Variants in SLC10A7 observed in about 807,000 individuals in gnomAD.
SLC10A7 encodes sodium/bile acid cotransporter 7.
Under a neutral mutation model 43.2 loss-of-function variants are expected in SLC10A7, and 29 were observed. That is an observed-to-expected ratio of 0.67 (90% CI 0.50 to 0.92). The LOEUF is 0.92. SLC10A7 is among the 40% of genes least tolerant of loss of function. The probability of loss-of-function intolerance (pLI) is 0.00; values close to 1 mark genes in which losing one functional copy is unlikely to be tolerated. For synonymous variants in SLC10A7, 152 were observed against 144.8 expected, an observed-to-expected ratio of 1.05 and a Z score of -0.35; for missense variants, 295 against 403.2, an observed-to-expected ratio of 0.73 and a Z score of 2.30.
intron 5 of SLC10A7, among the ~76,000 whole-genome samples, chr4:146,399,393 G>A (rs1466599205): frequency 6.6e-6 from 1 of 152,160 alleles, no homozygotes; most frequent in African/African-American, 2.4e-5. Context: ...CCAAGAAAGA[G>A]TTGGGAGAGA....
chr4:146,504,067 G>T, intron 3 of SLC10A7, 143 bp from the exon 4 acceptor site: 1 of 729,720 alleles, frequency 1.4e-6, no homozygotes, highest in Non-Finnish European at 2.4e-6. Flanking sequence ...ATTTAGACAA[G>T]TCTACACAAG....
At chr4:146,260,195 CT>C (rs201214980) in intron 10 of SLC10A7, among the ~76,000 whole-genome samples, 3,333 of 102,794 alleles carry the variant, frequency 0.032, 113 homozygotes, top group African/African-American at 0.11. Context: ...AATGAAGGGC[CT>C]TTTTTTAAAA....
chr4:146,408,445 G>A (rs1727895436), intron 5 of SLC10A7: 1 of 152,080 alleles, frequency 6.6e-6, no homozygotes, highest in Non-Finnish European at 1.5e-5. Context: ...GGCTACTTGG[G>A]AGGGTGAGAC....
chr4:146,448,761 CCCTTAGGAGAATACCA>C (rs1445379352), intron 4 of SLC10A7, among the ~76,000 whole-genome samples: 3 of 152,088 alleles, frequency 2.0e-5, no homozygotes, highest in Non-Finnish European at 2.9e-5. Flanking sequence ...TAGGAGAATA[CCCTTAGGAGAATACCA>C]AACTTGGGAG....
intron 5 of SLC10A7, among the ~76,000 whole-genome samples, chr4:146,393,172 A>G (rs1399907393): frequency 7.5e-6 from 1 of 134,006 alleles, no homozygotes; most frequent in Non-Finnish European, 1.6e-5. Flanking sequence ...AGCCTGGATG[A>G]CAGAGCAAGG....
intron 4 of SLC10A7, chr4:146,477,816 C>G (rs762077100): frequency 2.0e-5 from 3 of 152,152 alleles, no homozygotes; most frequent in Non-Finnish European, 4.4e-5. Flanking sequence ...GCTTTTTGTA[C>G]ATACAAACCA....
chr4:146,352,920 T>G (rs1303967888), intron 5 of SLC10A7, among the ~76,000 whole-genome samples: 1 of 140,472 alleles, frequency 7.1e-6, no homozygotes, highest in Non-Finnish European at 1.5e-5. Context: ...ACTAAATGCC[T>G]ACAAGAGAAA....
At chr4:146,498,600 T>C (rs1021499674) in intron 4 of SLC10A7, among the ~76,000 whole-genome samples, 15 of 152,292 alleles carry the variant, frequency 9.8e-5, no homozygotes, top group Admixed American at 2.0e-4. Context: ...CTGACCATGT[T>C]TCTAATATTT....
In SLC10A7 at chr4:146,258,746, A is replaced by C. The variant is rs781255647; in HGVS notation, c.939T>G (p.Leu313=). Reference sequence around the variant, plus strand: ...TTGTTGGCACCAACACACTTCCCAGAAGGATCTGAGCTGGGTGGTAGATGA... The same window carrying C: ...TTGTTGGCACCAACACACTTCCCAGCAGGATCTGAGCTGGGTGGTAGATGA... ...PLLIYHPAQI[L]LGSVLVPTIK... is the part of the protein sequence containing the mutation. Residue 313 remains leucine, a synonymous_variant, in exon 11 of 12, where the codon CTT becomes CTG. Transcript: ENST00000335472. The C allele has an allele frequency of 6.2e-7, 1 of 1,610,142 alleles. No homozygotes were observed. Among genetic ancestry groups the C allele is most frequent in the East Asian group, 2.2e-5 (1 of 44,716 alleles).
chr4:146,471,895 AT>A (rs1431229563), intron 4 of SLC10A7, among the ~76,000 whole-genome samples: 1 of 152,178 alleles, frequency 6.6e-6, no homozygotes, highest in East Asian at 1.9e-4. Flanking sequence ...TTGACTAAAC[AT>A]AAAATGCTTG....
intron 5 of SLC10A7, among the ~76,000 whole-genome samples, chr4:146,397,616 T>C (rs1249038148): frequency 2.0e-5 from 3 of 152,212 alleles, no homozygotes; most frequent in Non-Finnish European, 2.9e-5. Flanking sequence ...TTAATGTCAC[T>C]CGTGAACTTT....
At chr4:146,264,452 GT>G (rs1218621624) in intron 10 of SLC10A7, among the ~76,000 whole-genome samples, 9 of 152,128 alleles carry the variant, frequency 5.9e-5, no homozygotes, top group African/African-American at 2.2e-4. Flanking sequence ...GGTGTGCTAT[GT>G]TCCTACCATT....
chr4:146,380,787 C>A (rs1312889467), intron 5 of SLC10A7, among the ~76,000 whole-genome samples: 2 of 151,924 alleles, frequency 1.3e-5, no homozygotes, highest in Non-Finnish European at 2.9e-5. Context: ...TCCTTTTTAA[C>A]ATGACTAACA....
At chr4:146,262,939 A>G (rs1406158234) in intron 10 of SLC10A7, among the ~76,000 whole-genome samples, 1 of 152,244 alleles carries the variant, frequency 6.6e-6, no homozygotes, top group East Asian at 1.9e-4. Flanking sequence ...AGAGGACTTC[A>G]TGACTTGCCC....
rs533986050 is a variant in SLC10A7, at chr4:146,277,962, C to G, written c.847+5230G>C. The stretch of plus-strand genomic sequence containing the variant: ...TAAGTATTTTAGAACTGTCTTATAA[C>G]CAGCAGTGTAATCAGAAATAATTTT... On this transcript the variant is annotated intron_variant, in intron 10 of 11. Coordinates refer to ENST00000335472, the MANE Select transcript of SLC10A7 (RefSeq NM_001029998.6). 5.9e-5 allele frequency among the ~76,000 whole-genome samples: 9 copies of G among 152,176 alleles called. No individual in the cohort carries two copies. In the South Asian group the frequency reaches 1.5e-3, roughly 25 times the overall value.
chr4:146,350,275 G>A (rs1278115991), intron 5 of SLC10A7, among the ~76,000 whole-genome samples: 12 of 151,824 alleles, frequency 7.9e-5, no homozygotes, highest in East Asian at 3.9e-4. Context: ...GGTGACAGAC[G>A]CACCTGGAAA....
chr4:146,438,301 A>C (rs1730348117), intron 5 of SLC10A7, among the ~76,000 whole-genome samples: 1 of 152,096 alleles, frequency 6.6e-6, no homozygotes, highest in Admixed American at 6.5e-5. Flanking sequence ...TAATCTTAGA[A>C]TAGCTTCTGC....
At chr4:146,396,931 GAATT>G (rs938524833) in intron 5 of SLC10A7, among the ~76,000 whole-genome samples, 3 of 151,802 alleles carry the variant, frequency 2.0e-5, no homozygotes, top group African/African-American at 7.3e-5. Context: ...AGAAAGAAGA[GAATT>G]AAGTCAAACA....
chr4:146,492,937 G>A (rs1001807091), intron 4 of SLC10A7, among the ~76,000 whole-genome samples: 6 of 152,074 alleles, frequency 3.9e-5, no homozygotes, highest in African/African-American at 1.4e-4. Flanking sequence ...AGATCACAGA[G>A]CTAGTTAGGG....
Sources: gnomAD v4.1 joint callset for allele counts (sites outside exome capture counted in the v4.1 genomes callset) on GRCh38, gnomAD v4.1.1 for gene constraint, MANE v1.5 for transcripts, NCBI Gene and HGNC (gene_info 2026-07-23, HGNC 2026-07-21) for gene names.